Variants in ESR1 observed in about 807,000 individuals in gnomAD.
ESR1 encodes estrogen receptor 1.
A neutral mutation model predicts 52.7 loss-of-function variants in ESR1; 12 were observed. The observed-to-expected ratio is 0.23, with a 90% CI of 0.15 to 0.37. The LOEUF (loss-of-function observed/expected upper bound fraction) is 0.37. ESR1 is among the 10% of genes least tolerant of loss of function. The pLI, the probability that ESR1 is intolerant of heterozygous loss-of-function variation, is 1.00. For synonymous variants in ESR1, 305 were observed against 316.8 expected (o/e 0.96, Z 0.39); for missense variants, 584 against 779.7 (o/e 0.75, Z 2.99).
chr6:152,047,036 A>G (rs1341582312), intron 5 of ESR1, among the ~76,000 whole-genome samples: 2 of 152,160 alleles, frequency 1.3e-5, no homozygotes, highest in Non-Finnish European at 2.9e-5. Context: ...TCTTTTAAAA[A>G]TGAAGTCTGG....
intron 2 of ESR1, among the ~76,000 whole-genome samples, chr6:151,735,234 G>A (rs2982557): frequency 0.48 from 72,982 of 151,384 alleles, 18,970 homozygotes; most frequent in Non-Finnish European, 0.57. Flanking sequence ...ATGGTCTGTT[G>A]TTCTCTCTTG....
chr6:151,692,349 A>T (rs1779011715), intron 1 of ESR1, among the ~76,000 whole-genome samples: 1 of 152,202 alleles, frequency 6.6e-6, no homozygotes, highest in African/African-American at 2.4e-5. Context: ...GTCTGTCTGC[A>T]TTCATTTATC....
chr6:151,730,553 T>C (rs151117040), intron 2 of ESR1, among the ~76,000 whole-genome samples: 2,035 of 152,228 alleles, frequency 0.013, 24 homozygotes, highest in Non-Finnish European at 0.018. Flanking sequence ...ACTAGCTCCT[T>C]TTTGACAGTT....
intron 6 of ESR1, among the ~76,000 whole-genome samples, chr6:152,108,593 C>T (rs1352928339): frequency 6.6e-6 from 1 of 152,168 alleles, no homozygotes; most frequent in African/African-American, 2.4e-5. Flanking sequence ...TATCAGAACA[C>T]CAAGGAGCAG....
upstream of ESR1, among the ~76,000 whole-genome samples, chr6:151,802,047 G>T (rs1360748022): frequency 6.6e-6 from 1 of 152,160 alleles, no homozygotes; most frequent in African/African-American, 2.4e-5. Context: ...TGGGGTGATG[G>T]AAATACTCTA....
At chr6:151,858,638 G>A (rs1440317991) in intron 2 of ESR1, among the ~76,000 whole-genome samples, 1 of 143,018 alleles carries the variant, frequency 7.0e-6, no homozygotes, top group Admixed American at 6.9e-5. Flanking sequence ...ACTTTCCATT[G>A]CTTCATTTTT....
chr6:151,829,711 T>C (rs191615677), intron 1 of ESR1, among the ~76,000 whole-genome samples: 3 of 152,322 alleles, frequency 2.0e-5, no homozygotes, highest in South Asian at 2.1e-4. Context: ...GGTCACACCA[T>C]TGTAGCGCCA....
rs1295394261 is a variant in ESR1, at chr6:151,820,795, A to AT, written c.452+12435dup. 2.0e-5 allele frequency among the ~76,000 whole-genome samples: 3 copies of AT among 152,168 alleles called. No homozygotes were observed. The East Asian group carries it at 5.8e-4, about 29-fold the overall frequency. ...TCCTTGCTAAAAGCATGTTTAAACA[A>AT]TTTTCCATTAAGTAGGGGGATGTTT... is the stretch of plus-strand genomic sequence containing the variant. On this transcript the variant is annotated intron_variant, in intron 1 of 7. Coordinates refer to ENST00000206249, the MANE Select transcript of ESR1 (RefSeq NM_000125.4).
At chr6:151,802,548 T>C (rs1202747029), upstream of ESR1, among the ~76,000 whole-genome samples, 2 of 152,212 alleles carry the variant, frequency 1.3e-5, no homozygotes, top group African/African-American at 4.8e-5. Flanking sequence ...GTCATAGTAT[T>C]ATCTGCTTGC....
At chr6:151,688,552 G>A (rs934478973), upstream of ESR1, among the ~76,000 whole-genome samples, 2 of 151,820 alleles carry the variant, frequency 1.3e-5, no homozygotes, top group African/African-American at 4.8e-5. Context: ...CATATCTGTG[G>A]GTTCCACATC....
At chr6:151,948,127 G>A (rs79863312) in intron 4 of ESR1, among the ~76,000 whole-genome samples, 2,875 of 152,164 alleles carry the variant, frequency 0.019, 91 homozygotes, top group African/African-American at 0.066. Flanking sequence ...TGCAAGAGTG[G>A]TTGTATTTTT....
At chr6:152,091,297 T>G (rs899316063) in intron 6 of ESR1, among the ~76,000 whole-genome samples, 1 of 152,240 alleles carries the variant, frequency 6.6e-6, no homozygotes, top group African/African-American at 2.4e-5. Context: ...TGTTGTCAAC[T>G]ATTGGCATTT....
chr6:151,761,597 T>G (rs576216385), intron 2 of ESR1, among the ~76,000 whole-genome samples: 1 of 152,214 alleles, frequency 6.6e-6, no homozygotes, highest in African/African-American at 2.4e-5. Flanking sequence ...ATAGAACATA[T>G]CCCTTTAACG....
intron 3 of ESR1, among the ~76,000 whole-genome samples, chr6:151,923,625 G>T (rs2032130653): frequency 6.6e-6 from 1 of 152,122 alleles, no homozygotes; most frequent in Non-Finnish European, 1.5e-5. Flanking sequence ...CAATATTCAT[G>T]TAAGTTTCAT....
chr6:151,908,496 G>T (rs574499196), intron 3 of ESR1, among the ~76,000 whole-genome samples: 14 of 152,196 alleles, frequency 9.2e-5, no homozygotes, highest in African/African-American at 3.1e-4. Context: ...ATGCCTGTTG[G>T]TTACATTTGT....
At chr6:151,697,802 G>T (rs1350221295) in intron 1 of ESR1, among the ~76,000 whole-genome samples, 1 of 152,140 alleles carries the variant, frequency 6.6e-6, no homozygotes, top group East Asian at 1.9e-4. Context: ...ACTTCTCTTA[G>T]AATAGTGATT....
chr6:151,869,648 A>T (rs1254241760), intron 2 of ESR1, among the ~76,000 whole-genome samples: 3 of 152,218 alleles, frequency 2.0e-5, no homozygotes, highest in Non-Finnish European at 4.4e-5. Context: ...AAATTTCAAC[A>T]GACTGGGGTC....
intron 5 of ESR1, among the ~76,000 whole-genome samples, chr6:152,022,547 G>T (rs867016230): frequency 6.6e-6 from 1 of 152,092 alleles, no homozygotes; most frequent in Non-Finnish European, 1.5e-5. Context: ...AAAGGCCTGA[G>T]GTCAAGACCT....
At chr6:151,938,596 G>C (rs984583334) in intron 3 of ESR1, among the ~76,000 whole-genome samples, 2 of 152,154 alleles carry the variant, frequency 1.3e-5, no homozygotes, top group Non-Finnish European at 2.9e-5. Context: ...ACTTTGAAGA[G>C]ATTCCTTAGG....
Sources: allele counts gnomAD v4.1 joint callset (sites outside exome capture counted in the v4.1 genomes callset), GRCh38; gene constraint gnomAD v4.1.1; transcripts MANE v1.5; gene names NCBI Gene and HGNC (gene_info 2026-07-23, HGNC 2026-07-21).